GALNTL6: variants seen among roughly 807,000 people sequenced by gnomAD.
GALNTL6 encodes the protein polypeptide N-acetylgalactosaminyltransferase like 6.
Under a neutral mutation model 73.7 loss-of-function variants are expected in GALNTL6, and 46 were observed. The ratio of observed to expected loss-of-function variants is 0.62; its 90% confidence interval spans 0.49 to 0.80. The LOEUF (loss-of-function observed/expected upper bound fraction) is 0.80, where lower values mean the gene tolerates loss of function less well. GALNTL6 is among the 30% of genes least tolerant of loss of function. The probability of loss-of-function intolerance (pLI) is 0.00; values close to 1 mark genes in which losing one functional copy is unlikely to be tolerated. For synonymous variants in GALNTL6, 259 were observed against 263.7 expected (o/e 0.98, Z 0.17); for missense variants, 604 against 755.0 (o/e 0.80, Z 2.34).
chr4:172,583,953 T>A (rs1265536643), intron 5 of GALNTL6, among the ~76,000 whole-genome samples: 1 of 147,040 alleles, frequency 6.8e-6, no homozygotes, highest in Non-Finnish European at 1.5e-5. Context: ...CAATGTAAAC[T>A]GTATAGGATT....
At chr4:171,983,313 T>G (rs1409751783) in intron 2 of GALNTL6, among the ~76,000 whole-genome samples, 1 of 152,136 alleles carries the variant, frequency 6.6e-6, no homozygotes, top group East Asian at 1.9e-4. Flanking sequence ...ACATGGGGCT[T>G]CCAGAACTAG....
At chr4:172,714,526 A>T (rs995265471) in intron 5 of GALNTL6, among the ~76,000 whole-genome samples, 1 of 152,188 alleles carries the variant, frequency 6.6e-6, no homozygotes, top group African/African-American at 2.4e-5. Flanking sequence ...CATGTATTGC[A>T]CTCTAAGAAA....
In GALNTL6 at chr4:172,663,284, G is replaced by A. The variant is rs528419678; in HGVS notation, c.554-146077G>A. On this transcript the variant is annotated intron_variant, in intron 5 of 12. Transcript: ENST00000506823. ...CAAGAAGAGAGCGAGCACAGTAGGA[G>A]AACTAAAAGAAGGCTAATCTAATGG... Among the ~76,000 whole-genome samples the A allele has an allele frequency of 3.3e-5, 5 of 152,292 alleles. No individual in the cohort carries two copies. The South Asian group carries it at 8.3e-4, about 25-fold the overall frequency.
At chr4:172,604,418 A>G (rs1032025593) in intron 5 of GALNTL6, among the ~76,000 whole-genome samples, 3 of 152,190 alleles carry the variant, frequency 2.0e-5, no homozygotes, top group Admixed American at 6.5e-5. Context: ...CCAGAGAGCA[A>G]ATAGACTTGG....
intron 2 of GALNTL6, among the ~76,000 whole-genome samples, chr4:171,954,741 A>AGGG (rs958665822): frequency 1.3e-5 from 2 of 152,074 alleles, no homozygotes; most frequent in Non-Finnish European, 2.9e-5. Flanking sequence ...ATGTTGGTGG[A>AGGG]GGGGCATGGT....
rs560550849 is a variant in GALNTL6, at chr4:172,552,349, C to T, written c.553+203660C>T. On this transcript the variant is annotated intron_variant, in intron 5 of 12. Coordinates refer to ENST00000506823, the MANE Select transcript of GALNTL6 (RefSeq NM_001034845.3). ...GTTTTGGTAGCTAAATCGGAAAGTT[C>T]TATAGCCCAAGATTCTTGTTATTAA... Among the ~76,000 whole-genome samples the T allele has an allele frequency of 3.3e-5, 5 of 152,148 alleles. No individual in the cohort carries two copies. The East Asian group carries it at 9.7e-4, about 29-fold the overall frequency.
chr4:172,898,289 A>G (rs1323354517), intron 8 of GALNTL6, among the ~76,000 whole-genome samples: 1 of 51,380 alleles, frequency 1.9e-5, no homozygotes, highest in Non-Finnish European at 3.9e-5. Flanking sequence ...TATATACTTT[A>G]TTACACACAC....
At chr4:172,217,417 G>C (rs925638593) in intron 2 of GALNTL6, among the ~76,000 whole-genome samples, 2 of 152,190 alleles carry the variant, frequency 1.3e-5, no homozygotes, top group African/African-American at 2.4e-5. Flanking sequence ...CCCTTAGATA[G>C]GAATTTGGGC....
intron 10 of GALNTL6, among the ~76,000 whole-genome samples, chr4:172,955,042 C>T (rs1176478117): frequency 6.6e-6 from 1 of 152,134 alleles, no homozygotes; most frequent in African/African-American, 2.4e-5. Flanking sequence ...ATCTAATTCT[C>T]AGGGAGAATA....
intron 2 of GALNTL6, among the ~76,000 whole-genome samples, chr4:172,152,137 T>C (rs1170857671): frequency 6.6e-6 from 1 of 151,914 alleles, no homozygotes; most frequent in Non-Finnish European, 1.5e-5. Flanking sequence ...CCACCAGCCC[T>C]GGCTAAATTT....
chr4:172,153,641 C>A (rs1463474992), intron 2 of GALNTL6, among the ~76,000 whole-genome samples: 1 of 152,144 alleles, frequency 6.6e-6, no homozygotes, highest in Non-Finnish European at 1.5e-5. Flanking sequence ...AATTGCCACG[C>A]TGGTTTGTCA....
intron 5 of GALNTL6, among the ~76,000 whole-genome samples, chr4:172,806,299 A>T (rs192222647): frequency 1.4e-3 from 206 of 152,362 alleles, no homozygotes; most frequent in African/African-American, 4.6e-3. Context: ...GAAGGGTCAA[A>T]CCCCTTATGC....
At chr4:172,646,501 A>G (rs1237140225) in intron 5 of GALNTL6, among the ~76,000 whole-genome samples, 2 of 152,072 alleles carry the variant, frequency 1.3e-5, no homozygotes, top group African/African-American at 2.4e-5. Flanking sequence ...TGTTGCTACT[A>G]TATGGAAATA....
intron 2 of GALNTL6, among the ~76,000 whole-genome samples, chr4:171,831,688 G>A (rs1264365532): frequency 6.6e-6 from 1 of 151,606 alleles, no homozygotes; most frequent in African/African-American, 2.4e-5. Context: ...GTTTAAATTG[G>A]TTCTTTTTCC....
At chr4:171,962,916 C>A (rs1739268730) in intron 2 of GALNTL6, among the ~76,000 whole-genome samples, 1 of 151,598 alleles carries the variant, frequency 6.6e-6, no homozygotes. Context: ...TATAGGTGTG[C>A]ACCACCATGC....
At chr4:172,599,100 T>A (rs1357741013) in intron 5 of GALNTL6, among the ~76,000 whole-genome samples, 2 of 152,072 alleles carry the variant, frequency 1.3e-5, no homozygotes, top group East Asian at 3.9e-4. Flanking sequence ...CATATAGAGT[T>A]TGAAGTTCTA....
intron 10 of GALNTL6, among the ~76,000 whole-genome samples, chr4:172,978,492 C>T (rs1422612953): frequency 6.6e-6 from 1 of 152,148 alleles, no homozygotes; most frequent in Non-Finnish European, 1.5e-5. Flanking sequence ...GTCTCCACAG[C>T]CACAATATGG....
At chr4:172,529,857 T>TTTTTATTTTA (rs1554032973) in intron 5 of GALNTL6, among the ~76,000 whole-genome samples, 39 of 137,136 alleles carry the variant, frequency 2.8e-4, no homozygotes, top group African/African-American at 6.5e-4. Context: ...GGCTAATTTA[T>TTTTTATTTTA]TTTTATTTTA....
intron 2 of GALNTL6, among the ~76,000 whole-genome samples, chr4:171,885,356 A>G (rs1244672480): frequency 6.6e-6 from 1 of 152,216 alleles, no homozygotes; most frequent in African/African-American, 2.4e-5. Flanking sequence ...AACCAATACA[A>G]AAGAGTAGGA....
Sources: gnomAD v4.1 joint callset for allele counts (sites outside exome capture counted in the v4.1 genomes callset) on GRCh38, gnomAD v4.1.1 for gene constraint, MANE v1.5 for transcripts, NCBI Gene and HGNC (gene_info 2026-07-23, HGNC 2026-07-21) for gene names.